CCAR1: variants seen among roughly 807,000 people sequenced by gnomAD.
The protein encoded by CCAR1 is cell division cycle and apoptosis regulator protein 1.
Under a neutral mutation model 163.8 loss-of-function variants are expected in CCAR1, and 78 were observed. That is an observed-to-expected ratio of 0.48 (90% confidence interval 0.40 to 0.57). The LOEUF (loss-of-function observed/expected upper bound fraction) is 0.57. CCAR1 is among the 20% of genes least tolerant of loss of function. The pLI, the probability that CCAR1 is intolerant of heterozygous loss-of-function variation, is 0.00. For missense variants in CCAR1, 1,019 were observed against 1,365.2 expected (o/e 0.75, Z 4.00); for synonymous variants, 443 against 460.7 (o/e 0.96, Z 0.49).
At chr10:68,739,113 G>A (rs1251479652) in intron 4 of CCAR1, among the ~76,000 whole-genome samples, 5 of 152,174 alleles carry the variant, frequency 3.3e-5, no homozygotes, top group African/African-American at 1.2e-4. Flanking sequence ...CTGAAATACA[G>A]ATATGCTTTA....
chr10:68,734,134 A>G (rs2056077347), intron 2 of CCAR1, among the ~76,000 whole-genome samples: 1 of 152,100 alleles, frequency 6.6e-6, no homozygotes, highest in African/African-American at 2.4e-5. Context: ...CAAACTTTGA[A>G]TGAATTTTTG....
chr10:68,752,169 C>T (rs556010181), intron 10 of CCAR1, among the ~76,000 whole-genome samples: 15 of 152,124 alleles, frequency 9.9e-5, no homozygotes, highest in Non-Finnish European at 2.1e-4. Flanking sequence ...CCGCCCACCT[C>T]GGCCTCCCAA....
At chr10:68,722,017 G>A (rs2055866514) in intron 1 of CCAR1, among the ~76,000 whole-genome samples, 1 of 152,184 alleles carries the variant, frequency 6.6e-6, no homozygotes, top group African/African-American at 2.4e-5. Flanking sequence ...AAATACCTGT[G>A]ATGGGGGTCT....
intron 2 of CCAR1, among the ~76,000 whole-genome samples, chr10:68,736,273 A>T (rs542052037): frequency 2.1e-4 from 32 of 152,286 alleles, no homozygotes; most frequent in African/African-American, 6.3e-4. Context: ...TAAAGTCTTG[A>T]TGTATATATA....
At chr10:68,775,018 A>T (rs771830549) in intron 19 of CCAR1, 3 of 356,392 alleles carry the variant, frequency 8.4e-6, no homozygotes, top group South Asian at 6.4e-5. Context: ...TCTTCTCTCT[A>T]CCATATCAGT....
intron 8 of CCAR1, among the ~76,000 whole-genome samples, chr10:68,748,461 TA>T (rs900013456): frequency 1.3e-5 from 2 of 149,572 alleles, no homozygotes; most frequent in Non-Finnish European, 3.0e-5. Flanking sequence ...TAATTAGCAT[TA>T]AAAAATGTAA....
At chr10:68,749,098 T>G in intron 8 of CCAR1, 38 bp from the exon 9 acceptor site, 1 of 1,612,886 alleles carries the variant, frequency 6.2e-7, no homozygotes, top group Non-Finnish European at 8.5e-7. Flanking sequence ...GAACTTTGTT[T>G]AGACACGCTA....
rs2056720356 is a variant in CCAR1, at chr10:68,780,297, T to G, written c.2651-5839T>G. ...TGCTGCATTGAACTCCTGGCTCATG[T>G]GATTCTCTCACTTTAGTTCCCTGAG... On this transcript the variant is annotated intron_variant, in intron 19 of 24. Coordinates refer to ENST00000265872, the MANE Select transcript of CCAR1 (RefSeq NM_018237.4). Among the ~76,000 whole-genome samples, 7 of 152,254 alleles carry G rather than the reference T, an allele frequency of 4.6e-5. No individual in the cohort carries two copies. The South Asian group carries it at 1.4e-3, about 32-fold the overall frequency.
chr10:68,743,089 C>T lies in CCAR1; in HGVS notation c.518+520C>T, dbSNP rs1312149072. On this transcript the variant is annotated intron_variant, in intron 6 of 24. Transcript: ENST00000265872. Reference sequence around the variant, plus strand: ...CTGGGACAACAGGCATGCGCCAGCACGCCTGGCTCATTTTTGTATTTTTAG... The same window carrying T: ...CTGGGACAACAGGCATGCGCCAGCATGCCTGGCTCATTTTTGTATTTTTAG... Among the ~76,000 whole-genome samples the T allele has an allele frequency of 3.3e-5, 5 of 152,104 alleles. No homozygotes were observed. In the South Asian group the frequency reaches 6.2e-4, roughly 19 times the overall value.
rs7904819 is a variant in CCAR1, at chr10:68,789,481, A to T, written c.3188-229A>T. Among the ~76,000 whole-genome samples, 418 of 151,966 alleles carry T rather than the reference A, an allele frequency of 2.8e-3. 3 individuals are homozygous for T. The highest frequency in any genetic ancestry group is 9.4e-3 in the African/African-American group (391 of 41,496). On this transcript the variant is annotated intron_variant, in intron 23 of 24. Transcript: ENST00000265872. ...GTACGCGCCTGTAATCCCAGCCAAG[A>T]TCGTGCCACTTCGCTCAAGCTGGCG...
intron 16 of CCAR1, among the ~76,000 whole-genome samples, chr10:68,765,244 T>C (rs780889946): frequency 3.3e-5 from 5 of 152,140 alleles, no homozygotes; most frequent in Non-Finnish European, 5.9e-5. Flanking sequence ...AAGGCTAGAG[T>C]GGCCTAGGCC....
chr10:68,775,647 C>T (rs1480591042), intron 19 of CCAR1, among the ~76,000 whole-genome samples: 8 of 141,332 alleles, frequency 5.7e-5, no homozygotes, highest in Non-Finnish European at 9.1e-5. Context: ...GTAGCTGGGA[C>T]TACAGACATT....
In CCAR1 at chr10:68,749,300, A is replaced by G. The variant is rs144401144; in HGVS notation, c.956+35A>G. 1.2e-4 allele frequency: 181 copies of G among 1,568,124 alleles called. 1 individual carries two copies. In the African/African-American group the frequency reaches 2.1e-3, roughly 18 times the overall value. ...CTAAAGTGTACTGTGGATGGTGGCA[A>G]TGGTTGTACAACAATGGAAACATAG... On this transcript the variant is annotated intron_variant, in intron 9 of 24. Coordinates refer to ENST00000265872, the MANE Select transcript of CCAR1 (RefSeq NM_018237.4).
chr10:68,764,110 C>T (rs1183534990), intron 16 of CCAR1, among the ~76,000 whole-genome samples: 3 of 152,158 alleles, frequency 2.0e-5, no homozygotes, highest in Non-Finnish European at 4.4e-5. Context: ...CTATATCTTA[C>T]ACATATTGAA....
At chr10:68,742,014 C>T (rs1484003715) in intron 5 of CCAR1, among the ~76,000 whole-genome samples, 1 of 152,022 alleles carries the variant, frequency 6.6e-6, no homozygotes, top group Non-Finnish European at 1.5e-5. Context: ...ATGCTATTTC[C>T]CTAAGTGTAC....
At chr10:68,751,177 G>C (rs528432295) in intron 10 of CCAR1, among the ~76,000 whole-genome samples, 119 of 151,742 alleles carry the variant, frequency 7.8e-4, no homozygotes, top group Non-Finnish European at 1.5e-3. Flanking sequence ...ACAGGAATGC[G>C]CCACCACACC....
At chr10:68,758,690 T>TATATGTATATATACACACGTGTATATA (rs199814228) in intron 15 of CCAR1, among the ~76,000 whole-genome samples, 1 of 14,232 alleles carries the variant, frequency 7.0e-5, no homozygotes, top group Non-Finnish European at 2.0e-4. Context: ...TATATATATA[T>TATATGTATATATACACACGTGTATATA]TTTTTTTTTT....
chr10:68,747,427 A>T lies in CCAR1; in HGVS notation c.687A>T (p.Pro229=), dbSNP rs774673583. The change falls in exon 8 of 25, where the codon CCA becomes CCT. Residue 229 remains proline, a synonymous_variant. Coordinates refer to ENST00000265872, the MANE Select transcript of CCAR1 (RefSeq NM_018237.4). ...LLKTPPAVLQ[P]IAPQTTFGVQ... ...AGACTCCTCCTGCTGTACTTCAGCC[A>T]ATTGCACCACAGACAACATTTGGTG... is the stretch of plus-strand genomic sequence containing the variant. The T allele has an allele frequency of 2.5e-6, 4 of 1,614,124 alleles. No individual in the cohort carries two copies. Among genetic ancestry groups the T allele is most frequent in the Non-Finnish European group, 3.4e-6 (4 of 1,180,004 alleles).
Position 68,786,222 on chromosome 10 carries a change from T to C in CCAR1, c.2733+4T>C. 1 of 1,562,796 alleles carries C rather than the reference T, an allele frequency of 6.4e-7. No homozygotes were observed. Among genetic ancestry groups the C allele is most frequent in the Admixed American group, 1.7e-5 (1 of 59,480 alleles). ...GGAGAGGCCCTCTAAAGATAAGGTG[T>C]TTATTGAATACTGTATTCTTTATAA... On this transcript the variant is annotated splice_donor_region_variant and intron_variant, in intron 20 of 24. Coordinates refer to ENST00000265872, the MANE Select transcript of CCAR1 (RefSeq NM_018237.4).
Sources: allele counts gnomAD v4.1 joint callset (sites outside exome capture counted in the v4.1 genomes callset), GRCh38; gene constraint gnomAD v4.1.1; transcripts MANE v1.5; gene names NCBI Gene and HGNC (gene_info 2026-07-23, HGNC 2026-07-21).